RAB7A: variants seen among roughly 807,000 people sequenced by gnomAD.
The protein encoded by RAB7A is ras-related protein Rab-7a.
A neutral mutation model predicts 24.5 loss-of-function variants in RAB7A; 2 were observed. The observed-to-expected ratio is 0.08, with a 90% CI of 0.03 to 0.26. The LOEUF (loss-of-function observed/expected upper bound fraction) is 0.26. RAB7A is among the 10% of genes least tolerant of loss of function. The pLI is 1.00. For missense variants in RAB7A, 118 were observed against 255.7 expected, an observed-to-expected ratio of 0.46 and a Z score of 3.67; for synonymous variants, 100 against 95.9, an observed-to-expected ratio of 1.04 and a Z score of -0.25.
At chr3:128,767,316 A>G (rs2070841597) in intron 1 of RAB7A, among the ~76,000 whole-genome samples, 1 of 152,314 alleles carries the variant, frequency 6.6e-6, no homozygotes, top group South Asian at 2.1e-4. Flanking sequence ...CAGCTGTAGC[A>G]AGCAAACACA....
chr3:128,751,410 T>G (rs550874270), intron 1 of RAB7A, among the ~76,000 whole-genome samples: 5 of 152,344 alleles, frequency 3.3e-5, no homozygotes, highest in African/African-American at 1.2e-4. Context: ...TGCTTCAGTG[T>G]GACGTGGATG....
At chr3:128,735,507 T>TTTGATGTTG (rs1370977333) in intron 1 of RAB7A, among the ~76,000 whole-genome samples, 10 of 152,330 alleles carry the variant, frequency 6.6e-5, no homozygotes, top group East Asian at 3.9e-4. Context: ...GAGGAATGGC[T>TTTGATGTTG]TTGATGTTGT....
intron 1 of RAB7A, among the ~76,000 whole-genome samples, chr3:128,777,165 T>C (rs1933114823): frequency 6.6e-6 from 1 of 152,190 alleles, no homozygotes; most frequent in Non-Finnish European, 1.5e-5. Flanking sequence ...TTTCGTAGAT[T>C]ATCTCTGCAC....
intron 1 of RAB7A, among the ~76,000 whole-genome samples, chr3:128,757,690 G>A (rs1200681652): frequency 2.6e-5 from 4 of 151,878 alleles, no homozygotes; most frequent in African/African-American, 4.8e-5. Context: ...GCTAATTTTT[G>A]TATTTTTAGT....
intron 1 of RAB7A, among the ~76,000 whole-genome samples, chr3:128,779,273 G>A (rs1168570422): frequency 6.6e-6 from 1 of 152,030 alleles, no homozygotes; most frequent in Non-Finnish European, 1.5e-5. Flanking sequence ...AATTTGCCGG[G>A]TGTGGTGGTG....
In RAB7A at chr3:128,813,392, C is replaced by G; in HGVS notation, c.594C>G (p.Ala198=). Residue 198 remains alanine, a synonymous_variant, in exon 6 of 6, where the codon GCC becomes GCG. Coordinates refer to ENST00000265062, the MANE Select transcript of RAB7A (RefSeq NM_004637.6). ...EPIKLDKNDR[A]KASAESCSC is the part of the protein sequence containing the mutation. ...TCAAACTGGACAAGAATGACCGGGCCAAGGCCTCGGCAGAAAGCTGCAGTT... is the reference window on the plus strand; with the variant it reads ...TCAAACTGGACAAGAATGACCGGGCGAAGGCCTCGGCAGAAAGCTGCAGTT... The G allele has an allele frequency of 6.2e-7, 1 of 1,614,196 alleles. No individual in the cohort carries two copies.
intron 1 of RAB7A, among the ~76,000 whole-genome samples, chr3:128,736,714 A>G (rs2070493101): frequency 1.3e-5 from 2 of 152,202 alleles, no homozygotes; most frequent in Admixed American, 6.5e-5. Flanking sequence ...AGTTGAATAC[A>G]GTTAAATTCC....
chr3:128,743,423 G>A (rs1000028450), intron 1 of RAB7A, among the ~76,000 whole-genome samples: 2 of 152,244 alleles, frequency 1.3e-5, no homozygotes, highest in African/African-American at 2.4e-5. Context: ...AGCAGACGCC[G>A]AGGCCGAGGA....
chr3:128,775,500 A>G (rs1933068755), intron 1 of RAB7A, among the ~76,000 whole-genome samples: 1 of 152,204 alleles, frequency 6.6e-6, no homozygotes, highest in Admixed American at 6.5e-5. Context: ...TGGGGCTTGT[A>G]TCCCATGGAT....
At chr3:128,787,795 T>C (rs1381424699) in intron 1 of RAB7A, among the ~76,000 whole-genome samples, 1 of 152,212 alleles carries the variant, frequency 6.6e-6, no homozygotes, top group Non-Finnish European at 1.5e-5. Context: ...ACTGGAGCCT[T>C]AAACTCCTGG....
intron 1 of RAB7A, among the ~76,000 whole-genome samples, chr3:128,758,911 C>G (rs2070754518): frequency 6.6e-6 from 1 of 152,138 alleles, no homozygotes; most frequent in Non-Finnish European, 1.5e-5. Context: ...CACAAAGAAA[C>G]AAAATCCCTG....
At chr3:128,807,243 C>T (rs1429342516) in intron 4 of RAB7A, among the ~76,000 whole-genome samples, 2 of 152,164 alleles carry the variant, frequency 1.3e-5, no homozygotes, top group Non-Finnish European at 2.9e-5. Context: ...TTCATTTCTT[C>T]CCGGACTGGC....
At chr3:128,736,547 A>T (rs1313435048) in intron 1 of RAB7A, among the ~76,000 whole-genome samples, 1 of 152,192 alleles carries the variant, frequency 6.6e-6, no homozygotes, top group African/African-American at 2.4e-5. Context: ...AGCAGCCGTG[A>T]TAGGAGTATT....
chr3:128,798,778 A>T (rs1933632081), intron 3 of RAB7A: 1 of 197,780 alleles, frequency 5.1e-6, no homozygotes, highest in African/African-American at 2.5e-5. Flanking sequence ...CTGCTCCATT[A>T]TACTCCAGCC....
At chr3:128,730,260 T>C (rs13069786) in intron 1 of RAB7A, among the ~76,000 whole-genome samples, 40,890 of 151,540 alleles carry the variant, frequency 0.27, 6,978 homozygotes, top group African/African-American at 0.48. Context: ...GACGGAATCT[T>C]GCTTTGTAGC....
At chr3:128,801,199 G>T (rs1240028180) in intron 3 of RAB7A, among the ~76,000 whole-genome samples, 1 of 152,180 alleles carries the variant, frequency 6.6e-6, no homozygotes, top group African/African-American at 2.4e-5. Context: ...TAACAATACT[G>T]TATTGTACAC....
rs548797827 is a variant in RAB7A at position 128,785,769 on chromosome 3, C to A, written c.-8-9591C>A. ...CTCAAAAAAAAAAAAAAAAAAAATT[C>A]TTTAAGGTATTTGGTCAGCTCCTTG... is the stretch of plus-strand genomic sequence containing the variant. On this transcript the variant is annotated intron_variant, in intron 1 of 5. Transcript: ENST00000265062. Among the ~76,000 whole-genome samples, 15 of 147,204 alleles carry A rather than the reference C, an allele frequency of 1.0e-4. 1 individual carries two copies. In the South Asian group the frequency reaches 3.3e-3, roughly 33 times the overall value.
intron 1 of RAB7A, among the ~76,000 whole-genome samples, chr3:128,791,701 C>G (rs549421692): frequency 6.6e-6 from 1 of 152,170 alleles, no homozygotes; most frequent in African/African-American, 2.4e-5. Flanking sequence ...TTTCATGGAA[C>G]ACAGTGACTC....
chr3:128,808,966 C>T (rs1176355698), intron 5 of RAB7A, among the ~76,000 whole-genome samples: 1 of 152,158 alleles, frequency 6.6e-6, no homozygotes, highest in African/African-American at 2.4e-5. Flanking sequence ...TTGTTCCACC[C>T]AGAATGCCAG....
Sources: gnomAD v4.1 joint callset for allele counts (sites outside exome capture counted in the v4.1 genomes callset) on GRCh38, gnomAD v4.1.1 for gene constraint, MANE v1.5 for transcripts, NCBI Gene and HGNC (gene_info 2026-07-23, HGNC 2026-07-21) for gene names.